LRRC7: variants seen among roughly 807,000 people sequenced by gnomAD.
LRRC7 encodes the protein leucine rich repeat containing 7, also known as leucine-rich repeat-containing protein 7.
Under a neutral mutation model 175.7 loss-of-function variants are expected in LRRC7, and 23 were observed. The observed-to-expected ratio is 0.13, with a 90% CI of 0.09 to 0.19. The LOEUF is 0.19. Among genes scored for constraint, LRRC7 ranks in the 10% least tolerant of loss-of-function variants. The pLI is 1.00. For missense variants in LRRC7, 1,354 were observed against 1,904.7 expected, an observed-to-expected ratio of 0.71 and a Z score of 5.38; for synonymous variants, 685 against 680.9, an observed-to-expected ratio of 1.01 and a Z score of -0.09.
chr1:70,060,852 A>G (rs1189951049), intron 23 of LRRC7, among the ~76,000 whole-genome samples: 2 of 152,224 alleles, frequency 1.3e-5, no homozygotes, highest in Non-Finnish European at 2.9e-5. Context: ...CCTTTTGTAC[A>G]GAAGCAAATA....
intron 7 of LRRC7, among the ~76,000 whole-genome samples, chr1:69,906,878 C>A (rs1646333451): frequency 1.3e-5 from 2 of 152,158 alleles, no homozygotes; most frequent in South Asian, 2.1e-4. Context: ...GATATTGATT[C>A]TTCCTACCTA....
chr1:69,874,629 A>AT (rs964882033), intron 7 of LRRC7: 2 of 152,048 alleles, frequency 1.3e-5, no homozygotes, highest in African/African-American at 4.8e-5. Flanking sequence ...GGAAAGAAAC[A>AT]TTTTTTTGTA....
Position 69,781,875 on chromosome 1 carries a change from A to AG in LRRC7, c.304-10167dup, listed in dbSNP as rs879344873. On this transcript the variant is annotated intron_variant, in intron 3 of 26. Coordinates refer to ENST00000651989, the MANE Select transcript of LRRC7 (RefSeq NM_001370785.2). ...AGAAAGAAAGAGAAGGAAGGAAGGA[A>AG]GAAAGAAAAGGAAGGAAGGAAGGGA... is the stretch of plus-strand genomic sequence containing the variant. Among the ~76,000 whole-genome samples, 124 of 145,184 alleles carry AG rather than the reference A, an allele frequency of 8.5e-4. 4 individuals are homozygous for AG. Among genetic ancestry groups the AG allele is most frequent in the Admixed American group, 4.7e-3 (68 of 14,546 alleles).
At chr1:69,904,371 A>C (rs963552998) in intron 7 of LRRC7, among the ~76,000 whole-genome samples, 1 of 152,168 alleles carries the variant, frequency 6.6e-6, no homozygotes, top group Non-Finnish European at 1.5e-5. Flanking sequence ...TAAAAGAAAC[A>C]ATGCATGTAG....
intron 1 of LRRC7, among the ~76,000 whole-genome samples, chr1:69,639,629 A>G (rs149243157): frequency 6.6e-6 from 1 of 151,960 alleles, no homozygotes; most frequent in African/African-American, 2.4e-5. Context: ...TTTGCCCTCA[A>G]TTAATGCTTT....
At chr1:69,754,260 A>G (rs1670163486) in intron 2 of LRRC7, among the ~76,000 whole-genome samples, 1 of 152,098 alleles carries the variant, frequency 6.6e-6, no homozygotes, top group East Asian at 1.9e-4. Context: ...TACACTGTGG[A>G]GTGAGAACAA....
At chr1:69,964,283 G>A (rs1651440619) in intron 8 of LRRC7, among the ~76,000 whole-genome samples, 1 of 152,152 alleles carries the variant, frequency 6.6e-6, no homozygotes, top group Admixed American at 6.5e-5. Context: ...TTAACACACA[G>A]TTAATCCTCA....
chr1:69,883,162 A>G (rs1686811463), intron 7 of LRRC7, among the ~76,000 whole-genome samples: 1 of 151,702 alleles, frequency 6.6e-6, no homozygotes, highest in African/African-American at 2.4e-5. Flanking sequence ...TGGTATTTCT[A>G]ATTCTAGATC....
chr1:69,854,967 T>G (rs1310342545), intron 7 of LRRC7, among the ~76,000 whole-genome samples: 2 of 152,178 alleles, frequency 1.3e-5, no homozygotes, highest in Non-Finnish European at 2.9e-5. Context: ...TCTTAATACT[T>G]TCATACCTTA....
At chr1:69,680,586 T>C (rs748659870) in intron 2 of LRRC7, among the ~76,000 whole-genome samples, 12 of 151,860 alleles carry the variant, frequency 7.9e-5, no homozygotes, top group South Asian at 2.1e-4. Flanking sequence ...TTCTCTTGCA[T>C]AGAGGTCTTT....
intron 7 of LRRC7, among the ~76,000 whole-genome samples, chr1:69,879,301 CAAAG>C (rs1686362210): frequency 7.1e-6 from 1 of 141,198 alleles, no homozygotes; most frequent in Non-Finnish European, 1.5e-5. Context: ...AACTCAAAAA[CAAAG>C]AACCCACTAA....
chr1:69,914,510 G>A (rs903636107), intron 7 of LRRC7, among the ~76,000 whole-genome samples: 3 of 152,104 alleles, frequency 2.0e-5, no homozygotes, highest in East Asian at 1.9e-4. Flanking sequence ...AAGAGCAAAT[G>A]TCTCTGGATT....
At chr1:69,862,917 TGAAA>T (rs1297000619) in intron 7 of LRRC7, among the ~76,000 whole-genome samples, 1 of 152,000 alleles carries the variant, frequency 6.6e-6, no homozygotes, top group Admixed American at 6.6e-5. Context: ...TGCATGAGAA[TGAAA>T]GAAAGTATAT....
intron 2 of LRRC7, among the ~76,000 whole-genome samples, chr1:69,727,683 T>C (rs1454240167): frequency 1.3e-5 from 2 of 152,214 alleles, no homozygotes; most frequent in Non-Finnish European, 2.9e-5. Flanking sequence ...ATTTAGAAAC[T>C]ATAAACCAAG....
intron 22 of LRRC7, among the ~76,000 whole-genome samples, chr1:70,051,187 G>T (rs976224934): frequency 5.9e-5 from 9 of 151,928 alleles, no homozygotes; most frequent in Admixed American, 2.6e-4. Context: ...TGTCTGGGTG[G>T]AGGAAATACA....
At chr1:70,026,351 AT>A (rs1028169606) in intron 17 of LRRC7, among the ~76,000 whole-genome samples, 1 of 151,954 alleles carries the variant, frequency 6.6e-6, no homozygotes, top group Non-Finnish European at 1.5e-5. Context: ...TTTTAATGTA[AT>A]TTTTTTTACT....
intron 11 of LRRC7, among the ~76,000 whole-genome samples, chr1:70,007,991 G>C (rs1656139067): frequency 6.6e-6 from 1 of 151,992 alleles, no homozygotes; most frequent in Admixed American, 6.6e-5. Context: ...ATTAGTCAGG[G>C]TTCTCTTAGG....
chr1:70,109,462 T>A (rs1332458117), intron 26 of LRRC7, among the ~76,000 whole-genome samples: 1 of 152,256 alleles, frequency 6.6e-6, no homozygotes, highest in Non-Finnish European at 1.5e-5. Context: ...AGGCCTGAGT[T>A]CATTCTATGC....
chr1:69,632,127 C>T lies in LRRC7; in HGVS notation c.3-46254C>T, dbSNP rs183006342. On this transcript the variant is annotated intron_variant, in intron 1 of 26. Coordinates refer to ENST00000651989, the MANE Select transcript of LRRC7 (RefSeq NM_001370785.2). ...TCTCTATAACCTTAGTGACTTTGTG[C>T]AAGCTGTTCCCTCTGGCTAGGACCC... Among the ~76,000 whole-genome samples the T allele has an allele frequency of 2.4e-3, 369 of 152,244 alleles. 3 individuals are homozygous for T. Among genetic ancestry groups the T allele is most frequent in the Non-Finnish European group, 3.5e-3 (239 of 68,016 alleles).
Sources: allele counts gnomAD v4.1 joint callset (sites outside exome capture counted in the v4.1 genomes callset), GRCh38; gene constraint gnomAD v4.1.1; transcripts MANE v1.5; gene names NCBI Gene and HGNC (gene_info 2026-07-23, HGNC 2026-07-21).